The following EMB variants were observed in gnomAD, a reference collection of about 807,000 sequenced individuals.
The protein encoded by EMB is embigin homolog.
A neutral mutation model predicts 41.4 loss-of-function variants in EMB; 31 were observed. That is an observed-to-expected ratio of 0.75 (90% CI 0.56 to 1.01). The LOEUF (loss-of-function observed/expected upper bound fraction) is 1.01, where lower values mean the gene tolerates loss of function less well. EMB is among the 50% of genes least tolerant of loss of function. EMB has a pLI of 0.00. For missense variants in EMB, 379 were observed against 388.3 expected (o/e 0.98, Z 0.20); for synonymous variants, 137 against 140.4 (o/e 0.98, Z 0.17).
intron 4 of EMB, among the ~76,000 whole-genome samples, 191 bp from the exon 5 acceptor site, chr5:50,406,043 T>C (rs563364917): frequency 6.6e-6 from 1 of 152,022 alleles, no homozygotes; most frequent in African/African-American, 2.4e-5. Flanking sequence ...ATAGATTCGA[T>C]ATAATTGTCT....
upstream of EMB, chr5:50,441,321 A>C: frequency 5.1e-6 from 2 of 392,360 alleles, no homozygotes; most frequent in African/African-American, 2.1e-5. Flanking sequence ...GCCTTGCCCC[A>C]CTCCCCCGAG....
intron 2 of EMB, among the ~76,000 whole-genome samples, chr5:50,420,339 T>C (rs191221632): frequency 4.3e-4 from 66 of 152,286 alleles, no homozygotes; most frequent in Admixed American, 1.0e-3. Context: ...ACTGCAGGTG[T>C]TTACACCCTG....
Position 50,405,055 on chromosome 5 carries a change from T to C in EMB, c.600+670A>G, listed in dbSNP as rs529548742. On this transcript the variant is annotated intron_variant, in intron 5 of 8. Transcript: ENST00000303221. Reference sequence around the variant, plus strand: ...GAAGGGTGTCTCTTAAAGGACAATGTCCTAAATTTTCCTGCCATTAGAGGC... The same window carrying C: ...GAAGGGTGTCTCTTAAAGGACAATGCCCTAAATTTTCCTGCCATTAGAGGC... Among the ~76,000 whole-genome samples, 15 of 152,026 alleles carry C rather than the reference T, an allele frequency of 9.9e-5. No homozygotes were observed. In the East Asian group the frequency reaches 1.7e-3, roughly 18 times the overall value.
At chr5:50,433,484 G>A (rs761527010) in intron 1 of EMB, among the ~76,000 whole-genome samples, 7 of 152,090 alleles carry the variant, frequency 4.6e-5, no homozygotes, top group African/African-American at 1.2e-4. Context: ...ATAAAACCCC[G>A]AAAGTTAATA....
intron 1 of EMB, among the ~76,000 whole-genome samples, chr5:50,432,828 C>G (rs1303471526): frequency 1.3e-5 from 2 of 150,394 alleles, no homozygotes; most frequent in Non-Finnish European, 3.0e-5. Context: ...CTTCTAATCT[C>G]AGCACTTTGG....
chr5:50,439,867 T>G (rs1745867646), intron 1 of EMB, among the ~76,000 whole-genome samples: 1 of 152,228 alleles, frequency 6.6e-6, no homozygotes, highest in African/African-American at 2.4e-5. Flanking sequence ...TTTTAGTTAC[T>G]GGTGGCCAAT....
At chr5:50,438,822 A>G (rs1203413708) in intron 1 of EMB, among the ~76,000 whole-genome samples, 1 of 151,916 alleles carries the variant, frequency 6.6e-6, no homozygotes. Flanking sequence ...AACTTATACC[A>G]TATACATAGA....
intron 5 of EMB, 103 bp downstream of exon 5, chr5:50,405,622 G>T (rs188558316): frequency 7.0e-7 from 1 of 1,427,448 alleles, no homozygotes; most frequent in African/African-American, 1.5e-5. Flanking sequence ...GATAACAAAA[G>T]TATAAATCAT....
chr5:50,403,178 C>G lies in EMB; in HGVS notation c.877G>C (p.Asp293His). The change falls in exon 6 of 9, where the codon GAT becomes CAT. Residue 293 changes from aspartate to histidine, a missense_variant and splice_region_variant. Physicochemically the swap from Asp to His is moderately conservative, Grantham distance 81 (BLOSUM62 -1). Transcript: ENST00000303221. The stretch of plus-strand genomic sequence containing the variant: ...AAAAAACAAAAAAAAGAAATCCCAC[C>G]TGAGTGCTTCTTTTTCTTTTGTGTG... Reference protein sequence around the residue: ...KYTQKKKKHSDEGKEFEQIEQ... With the variant: ...KYTQKKKKHSHEGKEFEQIEQ... The G allele has an allele frequency of 6.3e-7, 1 of 1,588,612 alleles. No homozygotes were observed. Among genetic ancestry groups the G allele is most frequent in the Non-Finnish European group, 8.5e-7 (1 of 1,170,178 alleles).
chr5:50,406,142 G>C (rs16879120), intron 4 of EMB, among the ~76,000 whole-genome samples: 2,463 of 151,918 alleles, frequency 0.016, 67 homozygotes, highest in African/African-American at 0.057. Flanking sequence ...TTTTGGGTAA[G>C]AAAGAGGCTT....
Position 50,411,316 on chromosome 5 carries a change from G to C in EMB, c.264C>G (p.Cys88Trp). 1.2e-6 allele frequency: 2 copies of C among 1,612,502 alleles called. No homozygotes were observed. The highest frequency in any genetic ancestry group is 1.7e-6 in the Non-Finnish European group (2 of 1,179,156). Residue 88 changes from cysteine to tryptophan, a missense_variant, in exon 3 of 9, where the codon TGC (cysteine) becomes TGG (tryptophan). Physicochemically the swap from Cys to Trp is radical, Grantham distance 215. Transcript: ENST00000303221. ...LERPSNVNLT[C>W]QFTTSGDLNA... ...TCAAATCCCCAGATGTTGTGAACTG[G>C]CATGTGAGATTTACATTAGAAGGCC...
Position 50,416,016 on chromosome 5 carries a change from G to A in EMB, c.197-4633C>T, listed in dbSNP as rs1046637825. ...GTAGGCCATCCTCCAAGCCCTAATC[G>A]TTGTCTCACTGTTTCCTATAATACT... On this transcript the variant is annotated intron_variant, in intron 2 of 8. Transcript: ENST00000303221. Among the ~76,000 whole-genome samples, 6 of 152,128 alleles carry A rather than the reference G, an allele frequency of 3.9e-5. No individual in the cohort carries two copies. In the South Asian group the frequency reaches 6.2e-4, roughly 16 times the overall value.
chr5:50,399,416 G>A (rs775915164), intron 8 of EMB, 126 bp from the exon 9 acceptor site: 59 of 1,347,474 alleles, frequency 4.4e-5, no homozygotes, highest in Non-Finnish European at 5.8e-5. Flanking sequence ...CCAAAACAGA[G>A]CTCCTACTCT....
chr5:50,437,479 A>G (rs1745823935), intron 1 of EMB, among the ~76,000 whole-genome samples: 1 of 152,052 alleles, frequency 6.6e-6, no homozygotes, highest in Admixed American at 6.5e-5. Context: ...ACCCCATCAA[A>G]CTTTTCATTG....
intron 7 of EMB, among the ~76,000 whole-genome samples, chr5:50,401,112 G>C (rs1016075276): frequency 2.0e-5 from 3 of 152,052 alleles, no homozygotes; most frequent in African/African-American, 7.2e-5. Context: ...ATGTTCTCCA[G>C]AAAGAGAAGG....
chr5:50,411,571 A>C (rs527731155), intron 2 of EMB, 188 bp from the exon 3 acceptor site: 14 of 456,282 alleles, frequency 3.1e-5, no homozygotes, highest in African/African-American at 2.6e-4. Flanking sequence ...CACCTAAAGA[A>C]AAGTTTTGAT....
At chr5:50,416,913 A>G (rs191916137) in intron 2 of EMB, among the ~76,000 whole-genome samples, 1 of 152,244 alleles carries the variant, frequency 6.6e-6, no homozygotes, top group African/African-American at 2.4e-5. Flanking sequence ...ATTTCTGAAT[A>G]CCTTGTCCCT....
chr5:50,407,198 G>A (rs1479910025), intron 4 of EMB, among the ~76,000 whole-genome samples: 2 of 152,064 alleles, frequency 1.3e-5, no homozygotes, highest in Middle Eastern at 6.8e-3. Context: ...GAAAATATGT[G>A]TTGAAATAGG....
chr5:50,429,317 C>A (rs1745675854), intron 1 of EMB, among the ~76,000 whole-genome samples: 1 of 152,210 alleles, frequency 6.6e-6, no homozygotes, highest in South Asian at 2.1e-4. Context: ...AACTTGGCTG[C>A]ATTATTTAAA....
Sources: allele counts gnomAD v4.1 joint callset (sites outside exome capture counted in the v4.1 genomes callset), GRCh38; gene constraint gnomAD v4.1.1; transcripts MANE v1.5; gene names NCBI Gene and HGNC (gene_info 2026-07-23, HGNC 2026-07-21).